STARD13: variants seen among roughly 807,000 people sequenced by gnomAD.
The protein encoded by STARD13 is StAR related lipid transfer domain containing 13, also known as stAR-related lipid transfer protein 13.
A neutral mutation model predicts 106.4 loss-of-function variants in STARD13; 62 were observed. The ratio of observed to expected loss-of-function variants is 0.58; its 90% CI spans 0.48 to 0.72. The LOEUF (loss-of-function observed/expected upper bound fraction) is 0.72. Among genes scored for constraint, STARD13 ranks in the 30% least tolerant of loss-of-function variants. The pLI is 0.00. For missense variants in STARD13, 1,387 were observed against 1,424.0 expected, an observed-to-expected ratio of 0.97 and a Z score of 0.42; for synonymous variants, 565 against 553.0, an observed-to-expected ratio of 1.02 and a Z score of -0.31.
chr13:33,319,634 C>G (rs1396208454), intron 1 of STARD13, among the ~76,000 whole-genome samples: 1 of 152,160 alleles, frequency 6.6e-6, no homozygotes, highest in African/African-American at 2.4e-5. Context: ...GGGACAAGCA[C>G]TGAATCAGGA....
At chr13:33,137,925 T>C (rs1879270998) in intron 4 of STARD13, among the ~76,000 whole-genome samples, 1 of 133,636 alleles carries the variant, frequency 7.5e-6, no homozygotes, top group Non-Finnish European at 1.6e-5. Context: ...GAGTGGGAAG[T>C]AGGGGTGGGT....
chr13:33,375,315 T>C, the STARD13 span, among the ~76,000 whole-genome samples: 1 of 152,166 alleles, frequency 6.6e-6, no homozygotes, highest in African/African-American at 2.4e-5. Context: ...CAGATGTGTG[T>C]CTTGGCAGCT....
the STARD13 span, among the ~76,000 whole-genome samples, chr13:33,497,535 C>T: frequency 6.6e-6 from 1 of 152,280 alleles, no homozygotes; most frequent in Non-Finnish European, 1.5e-5. Flanking sequence ...CTAAATCACG[C>T]AGTCACTCCT....
chr13:33,194,194 G>A (rs946939456), intron 1 of STARD13, among the ~76,000 whole-genome samples: 4 of 152,092 alleles, frequency 2.6e-5, no homozygotes, highest in Admixed American at 6.6e-5. Context: ...AAGTCACACG[G>A]AGAAGGCAAT....
chr13:33,523,231 G>A, the STARD13 span, among the ~76,000 whole-genome samples: 1 of 152,038 alleles, frequency 6.6e-6, no homozygotes, highest in Non-Finnish European at 1.5e-5. Flanking sequence ...TTCTTTGTCA[G>A]GCAGAAGTTT....
At chr13:33,493,905 TC>T in the STARD13 span, among the ~76,000 whole-genome samples, 1 of 151,982 alleles carries the variant, frequency 6.6e-6, no homozygotes, top group Non-Finnish European at 1.5e-5. Context: ...ATGAAAAAAA[TC>T]CACAGGTTGG....
the STARD13 span, among the ~76,000 whole-genome samples, chr13:33,596,413 A>G: frequency 6.6e-6 from 1 of 152,170 alleles, no homozygotes; most frequent in Non-Finnish European, 1.5e-5. Context: ...CATGCATGTT[A>G]TATATATTTA....
the STARD13 span, among the ~76,000 whole-genome samples, chr13:33,421,090 A>T: frequency 6.6e-6 from 1 of 152,254 alleles, no homozygotes; most frequent in African/African-American, 2.4e-5. Flanking sequence ...GAAGGCAAGA[A>T]ATAACTAAGA....
the STARD13 span, among the ~76,000 whole-genome samples, chr13:33,542,518 C>G: frequency 1.3e-5 from 2 of 152,264 alleles, no homozygotes; most frequent in African/African-American, 4.8e-5. Context: ...ACGCAGACCG[C>G]GCCTACGTCC....
intron 1 of STARD13, among the ~76,000 whole-genome samples, chr13:33,342,309 T>C (rs1276697949): frequency 6.6e-6 from 1 of 152,162 alleles, no homozygotes; most frequent in African/African-American, 2.4e-5. Context: ...CTGCCAAAAG[T>C]AAAGCTCTTA....
intron 1 of STARD13, among the ~76,000 whole-genome samples, chr13:33,264,160 T>C (rs7332830): frequency 0.24 from 37,259 of 152,150 alleles, 5,193 homozygotes; most frequent in African/African-American, 0.36. Flanking sequence ...CGGATGTTCC[T>C]GGAGCCCAGT....
chr13:33,609,085 C>CAAAAAAAAAAAAAAAAAAAA, the STARD13 span, among the ~76,000 whole-genome samples: 1 of 50,582 alleles, frequency 2.0e-5, no homozygotes, highest in Admixed American at 1.9e-4. Flanking sequence ...GACTCCGTCT[C>CAAAAAAAAAAAAAAAAAAAA]AAAAAAAAAA....
chr13:33,442,184 C>T, the STARD13 span, among the ~76,000 whole-genome samples: 1 of 151,992 alleles, frequency 6.6e-6, no homozygotes, highest in African/African-American at 2.4e-5. Context: ...TAGAAATAAC[C>T]CAGTAGAATT....
chr13:33,570,217 T>C, the STARD13 span, among the ~76,000 whole-genome samples: 5 of 148,044 alleles, frequency 3.4e-5, no homozygotes, highest in African/African-American at 1.2e-4. Context: ...AAGGCATCTA[T>C]GAAAGAGCAC....
At chr13:33,457,419 C>A in the STARD13 span, among the ~76,000 whole-genome samples, 2 of 152,150 alleles carry the variant, frequency 1.3e-5, no homozygotes, top group Non-Finnish European at 2.9e-5. Flanking sequence ...AAAGAACTTT[C>A]GTTTACAAAG....
chr13:33,349,307 G>A, intron 1 of STARD13: 1 of 695,098 alleles, frequency 1.4e-6, no homozygotes, highest in East Asian at 2.7e-5. Context: ...AGTCCCCGAA[G>A]CATCTTCCAG....
the STARD13 span, among the ~76,000 whole-genome samples, chr13:33,554,739 G>C: frequency 6.6e-6 from 1 of 152,176 alleles, no homozygotes; most frequent in Non-Finnish European, 1.5e-5. Flanking sequence ...GGTTGGAAAA[G>C]TGAGGTCCAG....
At chr13:33,467,639 G>A in the STARD13 span, among the ~76,000 whole-genome samples, 1 of 152,100 alleles carries the variant, frequency 6.6e-6, no homozygotes, top group African/African-American at 2.4e-5. Flanking sequence ...TAGGATAAGG[G>A]CATAATAATA....
chr13:33,449,298 T>C, the STARD13 span, among the ~76,000 whole-genome samples: 1 of 152,132 alleles, frequency 6.6e-6, no homozygotes, highest in African/African-American at 2.4e-5. Context: ...GAGAAAAGGG[T>C]CTAGTTTCAT....
Sources: allele counts gnomAD v4.1 joint callset (sites outside exome capture counted in the v4.1 genomes callset), GRCh38; gene constraint gnomAD v4.1.1; transcripts MANE v1.5; gene names NCBI Gene and HGNC (gene_info 2026-07-23, HGNC 2026-07-21).